Variants in EMP2 observed in about 807,000 individuals in gnomAD.
EMP2 encodes the protein epithelial membrane protein 2.
In EMP2, 19 loss-of-function variants were observed where a neutral mutation model predicts 13.7. The ratio of observed to expected loss-of-function variants is 1.38; its 90% confidence interval spans 0.97 to 2.03. EMP2 has a LOEUF of 2.03. Ranked by LOEUF, EMP2 falls within the 30% of genes most tolerant of loss-of-function variation. EMP2 has a pLI of 0.00. For synonymous variants in EMP2, 97 were observed against 84.7 expected (o/e 1.15, Z -0.80); for missense variants, 253 against 220.7 (o/e 1.15, Z -0.93).
intron 1 of EMP2, among the ~76,000 whole-genome samples, chr16:10,579,252 T>C (rs915402470): frequency 6.6e-6 from 1 of 152,182 alleles, no homozygotes; most frequent in African/African-American, 2.4e-5. Flanking sequence ...TTAAGCTTTC[T>C]TAACTGAAGG....
intron 1 of EMP2, among the ~76,000 whole-genome samples, chr16:10,568,987 C>T (rs1269677674): frequency 1.3e-5 from 2 of 152,040 alleles, no homozygotes; most frequent in East Asian, 3.9e-4. Flanking sequence ...GGGGTTTCGC[C>T]ATGTTGGCCA....
At chr16:10,538,838 C>G (rs1387083389) in intron 3 of EMP2, among the ~76,000 whole-genome samples, 3 of 152,096 alleles carry the variant, frequency 2.0e-5, no homozygotes, top group Non-Finnish European at 4.4e-5. Flanking sequence ...TTTTTTGAGA[C>G]AGGGTCTCAC....
chr16:10,561,222 C>G (rs1455133974), intron 1 of EMP2, among the ~76,000 whole-genome samples: 1 of 152,084 alleles, frequency 6.6e-6, no homozygotes, highest in Non-Finnish European at 1.5e-5. Flanking sequence ...GGACAGGAAG[C>G]AGAAGTAGCA....
intron 1 of EMP2, among the ~76,000 whole-genome samples, chr16:10,550,833 G>C (rs1457017434): frequency 6.6e-6 from 1 of 152,036 alleles, no homozygotes; most frequent in East Asian, 1.9e-4. Context: ...AAATTAGCCG[G>C]GCGTGGTGGT....
intron 1 of EMP2, among the ~76,000 whole-genome samples, chr16:10,569,952 A>T (rs1391701335): frequency 6.6e-6 from 1 of 152,104 alleles, no homozygotes; most frequent in Non-Finnish European, 1.5e-5. Flanking sequence ...GACCCTAGTG[A>T]CTTCTCAGGG....
chr16:10,535,628 T>A (rs1348648797), intron 4 of EMP2, among the ~76,000 whole-genome samples: 3 of 152,026 alleles, frequency 2.0e-5, no homozygotes, highest in African/African-American at 2.4e-5. Context: ...GAGCATTGCT[T>A]GAGCCCTGGA....
chr16:10,553,280 G>A (rs2050801701), intron 1 of EMP2, among the ~76,000 whole-genome samples: 1 of 152,236 alleles, frequency 6.6e-6, no homozygotes, highest in Admixed American at 6.5e-5. Context: ...TCAGTTTCCT[G>A]TGCCTCCTTC....
Position 10,531,487 on chromosome 16 carries a change from C to T in EMP2, c.*1418G>A, listed in dbSNP as rs141178854. 6.6e-3 allele frequency: 1,011 copies of T among 152,144 alleles called. 12 individuals carry two copies. The highest frequency in any genetic ancestry group is 0.019 in the South Asian group (90 of 4,810). 9.4% of individuals were successfully genotyped at this position (152,144 alleles called of 1,614,324 possible). ...CTGGGATTACAGGCATGCACCACCA[C>T]GCCCAGCTCATTTTTGTATTTTTAG... On this transcript the variant is annotated 3_prime_UTR_variant, in exon 5 of 5. Coordinates refer to ENST00000359543, the MANE Select transcript of EMP2 (RefSeq NM_001424.6).
chr16:10,541,856 T>C (rs1196296876), intron 3 of EMP2, among the ~76,000 whole-genome samples: 1 of 152,166 alleles, frequency 6.6e-6, no homozygotes, highest in African/African-American at 2.4e-5. Flanking sequence ...GGGCCTATGG[T>C]CCCTGCCTGA....
chr16:10,544,041 A>C lies in EMP2; in HGVS notation c.79-381T>G, dbSNP rs116965078. On this transcript the variant is annotated intron_variant, in intron 2 of 4. Transcript: ENST00000359543. ...CGCCTACTTTTTGTATTTTTTGTAG[A>C]GTCAGTGTTTACTATGTTGTCAGGC... 99 of 240,220 alleles carry C rather than the reference A, an allele frequency of 4.1e-4. 1 individual carries two copies. The East Asian group carries it at 8.4e-3, about 20-fold the overall frequency. The allele number at this position is 240,220 out of a possible 1,614,324, so 14.9% of individuals were successfully genotyped here.
In EMP2 at chr16:10,533,046, T is replaced by A. The variant is rs2050620282; in HGVS notation, c.363A>T (p.Glu121Asp). ...ATTTCGCGTTTTTGTCGTGAATGTC[T>A]TCACGCCTGTCTGTATAAATGGAGG... ...IAASIYTDRREDIHDKNAKFY... is the reference protein window; with the variant it reads ...IAASIYTDRRDDIHDKNAKFY... Residue 121 changes from glutamate (E) to aspartate (D), a missense_variant, in exon 5 of 5, where the codon GAA becomes GAT. Coordinates refer to ENST00000359543, the MANE Select transcript of EMP2 (RefSeq NM_001424.6). 1 of 1,610,116 alleles carries A rather than the reference T, an allele frequency of 6.2e-7. No homozygotes were observed. Among genetic ancestry groups the A allele is most frequent in the Non-Finnish European group, 8.5e-7 (1 of 1,178,182 alleles).
At chr16:10,576,516 T>C (rs2050985122) in intron 1 of EMP2, 1 of 151,748 alleles carries the variant, frequency 6.6e-6, no homozygotes, top group Non-Finnish European at 1.5e-5. Flanking sequence ...GTGATGGCGA[T>C]TTTGCATCCT....
In EMP2 at chr16:10,580,385, G is replaced by A. The variant is rs2051019160; in HGVS notation, c.-61+164C>T. Among the ~76,000 whole-genome samples, 1 of 152,236 alleles carries A rather than the reference G, an allele frequency of 6.6e-6. No individual in the cohort carries two copies. Among genetic ancestry groups the A allele is most frequent in the African/African-American group, 2.4e-5 (1 of 41,456 alleles). On this transcript the variant is annotated intron_variant, in intron 1 of 4. Coordinates refer to ENST00000359543, the MANE Select transcript of EMP2 (RefSeq NM_001424.6). The surrounding 1 kb of genome is among the most constrained non-coding windows in gnomAD (Gnocchi z 4.3). ...CGGAGCGAGCGTGGCGCAGACCAGAGGTCGGCGGCATGGGTGGCACCTCGG... is the reference window on the plus strand; with the variant it reads ...CGGAGCGAGCGTGGCGCAGACCAGAAGTCGGCGGCATGGGTGGCACCTCGG...
intron 1 of EMP2, among the ~76,000 whole-genome samples, chr16:10,554,469 A>T (rs1484893380): frequency 6.6e-6 from 1 of 152,084 alleles, no homozygotes. Flanking sequence ...GGCTTTTCCA[A>T]GTGGTGCTGT....
At position 10,543,598 on chromosome 16, in the gene EMP2, A is replaced by G. The variant is rs1212970726; in HGVS notation, c.141T>C (p.Asn47=). Residue 47 remains asparagine, a synonymous_variant, in exon 3 of 5, where the codon AAT becomes AAC. Coordinates refer to ENST00000359543, the MANE Select transcript of EMP2 (RefSeq NM_001424.6). ...GAAAGCTGTCATTGATGACTGTGCA[A>G]TTCGTGTTGTTGGTACATATTCTCC... is the stretch of plus-strand genomic sequence containing the variant. ...DVWRICTNNT[N]CTVINDSFQE... 7 of 1,614,192 alleles carry G rather than the reference A, an allele frequency of 4.3e-6. No individual in the cohort carries two copies. The highest frequency in any genetic ancestry group is 1.3e-5 in the African/African-American group (1 of 75,060).
In EMP2 at chr16:10,557,077, C is replaced by A. The variant is rs147641942; in HGVS notation, c.-60-9400G>T. ...GCCTAAAAAAGAATCGTGCTTTAGG[C>A]TGGGTGCAGTGGCTCATGGCTATAA... On this transcript the variant is annotated intron_variant, in intron 1 of 4. Transcript: ENST00000359543. Among the ~76,000 whole-genome samples, 347 of 152,304 alleles carry A rather than the reference C, an allele frequency of 2.3e-3. 2 individuals are homozygous for A. Among genetic ancestry groups the A allele is most frequent in the African/African-American group, 8.1e-3 (335 of 41,570 alleles).
At chr16:10,555,977 T>C (rs1344579642) in intron 1 of EMP2, among the ~76,000 whole-genome samples, 1 of 152,172 alleles carries the variant, frequency 6.6e-6, no homozygotes, top group African/African-American at 2.4e-5. Flanking sequence ...TATTTCTTGG[T>C]TAACTTAATT....
At chr16:10,567,515 C>T (rs1261551284) in intron 1 of EMP2, among the ~76,000 whole-genome samples, 1 of 152,202 alleles carries the variant, frequency 6.6e-6, no homozygotes, top group Non-Finnish European at 1.5e-5. Flanking sequence ...TTAGACCAGG[C>T]TCTGGAACAC....
At chr16:10,549,690 C>T (rs1051690104) in intron 1 of EMP2, among the ~76,000 whole-genome samples, 11 of 150,360 alleles carry the variant, frequency 7.3e-5, no homozygotes, top group Admixed American at 5.4e-4. Flanking sequence ...AAATTGTAGC[C>T]CCAGTTTTAA....
Sources: gnomAD v4.1 joint callset for allele counts (sites outside exome capture counted in the v4.1 genomes callset) on GRCh38, gnomAD v4.1.1 for gene constraint, Gnocchi (gnomAD v3.1) non-coding constraint, MANE v1.5 for transcripts, NCBI Gene and HGNC (gene_info 2026-07-23, HGNC 2026-07-21) for gene names.